Variants in MYO3A observed in about 807,000 individuals in gnomAD.
The protein encoded by MYO3A is myosin-IIIa.
In MYO3A, 180 loss-of-function variants were observed where a neutral mutation model predicts 192.7. The ratio of observed to expected loss-of-function variants is 0.93; its 90% CI spans 0.83 to 1.06. The LOEUF is 1.06. Among genes scored for constraint, MYO3A ranks in the 50% least tolerant of loss-of-function variants. The pLI, the probability that MYO3A is intolerant of heterozygous loss-of-function variation, is 0.00. For missense variants in MYO3A, 1,896 were observed against 1,905.0 expected, an observed-to-expected ratio of 1.00 and a Z score of 0.09; for synonymous variants, 628 against 645.3, an observed-to-expected ratio of 0.97 and a Z score of 0.41.
intron 26 of MYO3A, among the ~76,000 whole-genome samples, chr10:26,158,803 G>A (rs1394776078): frequency 2.0e-5 from 3 of 151,980 alleles, no homozygotes; most frequent in Non-Finnish European, 4.4e-5. Flanking sequence ...ATTTGAGGAA[G>A]TCCCATTTAT....
chr10:26,094,242 A>G lies in MYO3A; in HGVS notation c.1563-2139A>G, dbSNP rs370413331. Among the ~76,000 whole-genome samples, 28 of 152,204 alleles carry G rather than the reference A, an allele frequency of 1.8e-4. No individual in the cohort carries two copies. The East Asian group carries it at 2.5e-3, about 14-fold the overall frequency. On this transcript the variant is annotated intron_variant, in intron 15 of 34. Transcript: ENST00000642920. ...TGGAGTCCTTATTGAGCTTCTGTAAAAAATTATTCTTGTGATGGCTTTTGG... is the reference window on the plus strand; with the variant it reads ...TGGAGTCCTTATTGAGCTTCTGTAAGAAATTATTCTTGTGATGGCTTTTGG...
At chr10:25,959,964 C>T (rs971386151) in intron 4 of MYO3A, among the ~76,000 whole-genome samples, 1 of 152,080 alleles carries the variant, frequency 6.6e-6, no homozygotes, top group Non-Finnish European at 1.5e-5. Flanking sequence ...TGCTTCTCCA[C>T]CTCTACTATT....
intron 6 of MYO3A, among the ~76,000 whole-genome samples, chr10:26,002,830 G>T (rs144814489): frequency 6.6e-5 from 10 of 152,240 alleles, no homozygotes; most frequent in African/African-American, 2.4e-4. Flanking sequence ...ACAGCACCCA[G>T]CTAACTTCTG....
At chr10:26,104,691 G>A (rs1473404970) in intron 17 of MYO3A, among the ~76,000 whole-genome samples, 1 of 151,672 alleles carries the variant, frequency 6.6e-6, no homozygotes, top group Non-Finnish European at 1.5e-5. Flanking sequence ...TAAATTTGAA[G>A]GATCACCTTG....
chr10:25,968,014 G>A (rs1471650353), intron 4 of MYO3A, among the ~76,000 whole-genome samples: 7 of 152,086 alleles, frequency 4.6e-5, no homozygotes, highest in Non-Finnish European at 1.0e-4. Context: ...GGGGGTGGAG[G>A]ATATCATTTA....
intron 4 of MYO3A, among the ~76,000 whole-genome samples, chr10:25,974,145 C>T (rs12257407): frequency 0.096 from 14,564 of 151,992 alleles, 1,242 homozygotes; most frequent in African/African-American, 0.22. Flanking sequence ...ATCATCAGAG[C>T]GAACAGGCAG....
chr10:26,165,569 T>C (rs1195674553), intron 26 of MYO3A, among the ~76,000 whole-genome samples: 2 of 152,196 alleles, frequency 1.3e-5, no homozygotes, highest in East Asian at 1.9e-4. Flanking sequence ...GGAGACATAG[T>C]GTCCCTCAAG....
intron 32 of MYO3A, among the ~76,000 whole-genome samples, chr10:26,197,860 C>A (rs1843488777): frequency 6.6e-6 from 1 of 152,218 alleles, no homozygotes; most frequent in African/African-American, 2.4e-5. Context: ...GCCACCACAC[C>A]CAGCCTTCTT....
intron 18 of MYO3A, among the ~76,000 whole-genome samples, chr10:26,124,029 A>G (rs975249717): frequency 4.6e-5 from 7 of 151,960 alleles, no homozygotes; most frequent in Admixed American, 2.6e-4. Context: ...ACCAAATAAT[A>G]ATAATAATAA....
rs1018645665 is a variant in MYO3A, at chr10:26,113,814, G to A, written c.1777-6862G>A. On this transcript the variant is annotated intron_variant, in intron 17 of 34. Coordinates refer to ENST00000642920, the MANE Select transcript of MYO3A (RefSeq NM_017433.5). ...GGTCTAAGCTTATTTACCAGTAAAAGGAGGGGAAAGGGATAATTAATTTCT... is the reference window on the plus strand; with the variant it reads ...GGTCTAAGCTTATTTACCAGTAAAAAGAGGGGAAAGGGATAATTAATTTCT... 1.6e-4 allele frequency among the ~76,000 whole-genome samples: 24 copies of A among 152,288 alleles called. 1 individual carries two copies. Among genetic ancestry groups the A allele is most frequent in the Admixed American group, 1.3e-3 (20 of 15,284 alleles).
intron 32 of MYO3A, among the ~76,000 whole-genome samples, chr10:26,194,086 A>G (rs931054472): frequency 1.3e-5 from 2 of 152,098 alleles, no homozygotes; most frequent in Non-Finnish European, 2.9e-5. Context: ...TACCTGCAAA[A>G]GCTCACTCCA....
intron 6 of MYO3A, among the ~76,000 whole-genome samples, chr10:26,002,402 C>T (rs542543023): frequency 1.5e-4 from 23 of 152,204 alleles, no homozygotes; most frequent in Non-Finnish European, 2.6e-4. Flanking sequence ...CACACCTGCA[C>T]AAGGGAGGGG....
intron 4 of MYO3A, among the ~76,000 whole-genome samples, chr10:25,961,801 G>A (rs969722659): frequency 5.9e-5 from 9 of 152,160 alleles, no homozygotes; most frequent in African/African-American, 1.9e-4. Context: ...GGCACTTTCA[G>A]AAAATTGGCT....
rs1837036022 is a variant in MYO3A at position 26,096,394 on chromosome 10, T to C, written c.1576T>C (p.Phe526Leu). 1 of 1,610,600 alleles carries C rather than the reference T, an allele frequency of 6.2e-7. No individual in the cohort carries two copies. Among genetic ancestry groups the C allele is most frequent in the Non-Finnish European group, 8.5e-7 (1 of 1,178,286 alleles). ...CTTTTTTTCCAGTGGAGAAAAAAAT[T>C]TTCATATTTTTTACTACATTTATGC... is the stretch of plus-strand genomic sequence containing the variant. The part of the protein sequence containing the change: ...VIHQAIGEKN[F>L]HIFYYIYAGL... Residue 526 changes from phenylalanine to leucine, a missense_variant, in exon 16 of 35, where the codon TTT becomes CTT. Transcript: ENST00000642920.
intron 34 of MYO3A, among the ~76,000 whole-genome samples, chr10:26,211,625 C>T (rs1057451239): frequency 6.6e-6 from 1 of 151,572 alleles, no homozygotes; most frequent in Non-Finnish European, 1.5e-5. Flanking sequence ...CCAGGCTCCA[C>T]CAGCCCCTCT....
At chr10:25,991,140 G>C (rs1564435444) in intron 4 of MYO3A, among the ~76,000 whole-genome samples, 2 of 152,158 alleles carry the variant, frequency 1.3e-5, no homozygotes, top group African/African-American at 2.4e-5. Flanking sequence ...CAGTGTAAAA[G>C]TGTTCCTATT....
At chr10:26,023,041 A>G (rs1206436646) in intron 8 of MYO3A, 1 of 152,248 alleles carries the variant, frequency 6.6e-6, no homozygotes, top group African/African-American at 2.4e-5. Flanking sequence ...ATCTCATAAA[A>G]GGAAATTTTC....
chr10:26,148,331 C>T lies in MYO3A; in HGVS notation c.2635+772C>T, dbSNP rs1840596686. On this transcript the variant is annotated intron_variant, in intron 23 of 34. Coordinates refer to ENST00000642920, the MANE Select transcript of MYO3A (RefSeq NM_017433.5). ...AATTGACTAATAAATAGGTCTATTT[C>T]TGGACTCTTTATTGGGTGTCATTGA... Among the ~76,000 whole-genome samples, 3 of 152,132 alleles carry T rather than the reference C, an allele frequency of 2.0e-5. No homozygotes were observed. The South Asian group carries it at 6.2e-4, about 31-fold the overall frequency.
intron 34 of MYO3A, among the ~76,000 whole-genome samples, chr10:26,210,846 A>G (rs959860670): frequency 6.6e-6 from 1 of 151,806 alleles, no homozygotes; most frequent in Non-Finnish European, 1.5e-5. Flanking sequence ...ACATTGCTTG[A>G]TCTATCATCC....
Sources: gnomAD v4.1 joint callset for allele counts (sites outside exome capture counted in the v4.1 genomes callset) on GRCh38, gnomAD v4.1.1 for gene constraint, MANE v1.5 for transcripts, NCBI Gene and HGNC (gene_info 2026-07-23, HGNC 2026-07-21) for gene names.